TCF4: variants seen among roughly 807,000 people sequenced by gnomAD.
The protein encoded by TCF4 is transcription factor 4, also known as SL3-3 enhancer factor 2.
TCF4 carries 3 observed loss-of-function variants against 82.1 expected under a neutral mutation model. The observed-to-expected ratio is 0.04, with a 90% CI of 0.02 to 0.09. The LOEUF is 0.09. Ranked by LOEUF, TCF4 falls within the 10% of genes least tolerant of loss-of-function variation. TCF4 has a pLI of 1.00. For missense variants in TCF4, 518 were observed against 852.7 expected (o/e 0.61, Z 4.89); for synonymous variants, 276 against 309.6 (o/e 0.89, Z 1.14).
chr18:55,624,614 C>T (rs1027246299), intron 2 of TCF4, among the ~76,000 whole-genome samples: 2 of 151,370 alleles, frequency 1.3e-5, no homozygotes, highest in Non-Finnish European at 1.5e-5. Flanking sequence ...ATGTATCCAT[C>T]GCTTATCCCT....
chr18:55,537,284 C>T (rs2097125562), intron 3 of TCF4, among the ~76,000 whole-genome samples: 1 of 152,098 alleles, frequency 6.6e-6, no homozygotes. Context: ...CTAGTTCCTT[C>T]CCTTTTTGCC....
chr18:55,584,249 A>ATTC (rs1191000943), intron 3 of TCF4, among the ~76,000 whole-genome samples: 1 of 152,192 alleles, frequency 6.6e-6, no homozygotes, highest in African/African-American at 2.4e-5. Context: ...GTTAAATTAT[A>ATTC]TTCATAGTTG....
At chr18:55,616,407 G>C (rs569491167) in intron 2 of TCF4, among the ~76,000 whole-genome samples, 68 of 152,182 alleles carry the variant, frequency 4.5e-4, no homozygotes, top group African/African-American at 1.4e-3. Context: ...TTGGCTATGT[G>C]AATAATGCTG....
At chr18:55,617,657 A>C (rs2097713421) in intron 2 of TCF4, among the ~76,000 whole-genome samples, 1 of 151,930 alleles carries the variant, frequency 6.6e-6, no homozygotes, top group African/African-American at 2.4e-5. Context: ...TTCCTTGGTT[A>C]TGTTTATTTC....
At chr18:55,399,237 T>C (rs1387314774) in intron 6 of TCF4, among the ~76,000 whole-genome samples, 1 of 152,202 alleles carries the variant, frequency 6.6e-6, no homozygotes, top group Non-Finnish European at 1.5e-5. Context: ...GTGAAATTCA[T>C]TTTGGAATCA....
intron 3 of TCF4, among the ~76,000 whole-genome samples, chr18:55,479,743 C>G (rs374626411): frequency 2.6e-5 from 4 of 152,148 alleles, no homozygotes; most frequent in Non-Finnish European, 4.4e-5. Context: ...TCTGTGACAC[C>G]GGAGGGTAAT....
intron 2 of TCF4, among the ~76,000 whole-genome samples, chr18:55,610,465 C>A (rs1026420908): frequency 1.3e-5 from 2 of 152,100 alleles, no homozygotes; most frequent in Admixed American, 1.3e-4. Context: ...TTGGAGTAGA[C>A]CTTTGCTGTC....
At chr18:55,596,296 T>C (rs2097690905) in intron 2 of TCF4, 2 of 290,494 alleles carry the variant, frequency 6.9e-6, no homozygotes, top group African/African-American at 2.3e-5. Flanking sequence ...CACATGTCAC[T>C]GAGCTGTAAG....
At chr18:55,388,149 A>C (rs1324761065) in intron 6 of TCF4, among the ~76,000 whole-genome samples, 2 of 152,262 alleles carry the variant, frequency 1.3e-5, no homozygotes, top group Non-Finnish European at 2.9e-5. Flanking sequence ...ACAAGGTTAC[A>C]AAATTAAAAT....
intron 3 of TCF4, among the ~76,000 whole-genome samples, chr18:55,582,547 A>G (rs1414305583): frequency 6.6e-6 from 1 of 152,104 alleles, no homozygotes; most frequent in Non-Finnish European, 1.5e-5. Context: ...CTCAGGTTAC[A>G]TTCCATTCTC....
chr18:55,498,109 G>C (rs893600375), intron 3 of TCF4, among the ~76,000 whole-genome samples: 1 of 152,198 alleles, frequency 6.6e-6, no homozygotes, highest in African/African-American at 2.4e-5. Flanking sequence ...ATTTTTACAA[G>C]GAGGCTCTTT....
intron 8 of TCF4, among the ~76,000 whole-genome samples, chr18:55,285,072 T>C (rs2063401123): frequency 6.6e-6 from 1 of 152,196 alleles, no homozygotes; most frequent in South Asian, 2.1e-4. Context: ...GATACGTCCA[T>C]ATTCAGAAGA....
At chr18:55,460,667 G>A (rs2144765157) in intron 5 of TCF4, among the ~76,000 whole-genome samples, 1 of 152,254 alleles carries the variant, frequency 6.6e-6, no homozygotes, top group Admixed American at 6.5e-5. Flanking sequence ...CAAGCCCAGT[G>A]ATATTTTTAT....
chr18:55,242,246 T>C (rs2051478739), intron 15 of TCF4, among the ~76,000 whole-genome samples: 2 of 152,186 alleles, frequency 1.3e-5, no homozygotes, highest in African/African-American at 4.8e-5. Context: ...TTCAAGGTCA[T>C]TGTTGAATGG....
rs376368232 is a variant in TCF4 at position 55,508,527 on chromosome 18, AAT to A, written c.146-44392_146-44391del. ...TTACTATGGGCTGAACACTGTTCTC[AAT>A]GTTAGATGCATTCACTCATTTAATT... On this transcript the variant is annotated intron_variant, in intron 3 of 19. Coordinates refer to ENST00000354452, the MANE Select transcript of TCF4 (RefSeq NM_001083962.2). Among the ~76,000 whole-genome samples, 447 of 152,332 alleles carry A rather than the reference AAT, an allele frequency of 2.9e-3. 1 individual carries two copies. The highest frequency in any genetic ancestry group is 0.012 in the South Asian group (58 of 4,830).
intron 5 of TCF4, among the ~76,000 whole-genome samples, chr18:55,447,780 C>A (rs1603471202): frequency 6.6e-6 from 1 of 152,134 alleles, no homozygotes; most frequent in East Asian, 1.9e-4. Context: ...CTTTCCCTCA[C>A]TGCTGTAAGG....
chr18:55,457,685 C>A (rs1354568045), intron 5 of TCF4, among the ~76,000 whole-genome samples: 1 of 152,122 alleles, frequency 6.6e-6, no homozygotes, highest in Non-Finnish European at 1.5e-5. Flanking sequence ...TGAGGTTTCA[C>A]CATGTTGCCT....
chr18:55,236,208 AG>A (rs1599627879), intron 15 of TCF4, among the ~76,000 whole-genome samples: 1 of 152,184 alleles, frequency 6.6e-6, no homozygotes, highest in East Asian at 1.9e-4. Flanking sequence ...TATGAGCCTC[AG>A]GAAGTATAAA....
chr18:55,378,169 G>T (rs970826457), intron 6 of TCF4, among the ~76,000 whole-genome samples: 1 of 152,156 alleles, frequency 6.6e-6, no homozygotes, highest in Non-Finnish European at 1.5e-5. Context: ...AAAATGAAAA[G>T]TTTCCCTAAG....
Sources: gnomAD v4.1 joint callset for allele counts (sites outside exome capture counted in the v4.1 genomes callset) on GRCh38, gnomAD v4.1.1 for gene constraint, MANE v1.5 for transcripts, NCBI Gene and HGNC (gene_info 2026-07-23, HGNC 2026-07-21) for gene names.